GALNTL5: variants seen among roughly 807,000 people sequenced by gnomAD.
The protein encoded by GALNTL5 is inactive polypeptide N-acetylgalactosaminyltransferase-like protein 5.
GALNTL5 carries 44 observed loss-of-function variants against 51.0 expected under a neutral mutation model. The observed-to-expected ratio is 0.86, with a 90% confidence interval of 0.68 to 1.11. The LOEUF (loss-of-function observed/expected upper bound fraction) is 1.11, where lower values mean the gene tolerates loss of function less well. Among genes scored for constraint, GALNTL5 ranks in the 50% least tolerant of loss-of-function variants. GALNTL5 has a pLI of 0.00. For missense variants in GALNTL5, 528 were observed against 531.8 expected (o/e 0.99, Z 0.07); for synonymous variants, 192 against 182.8 (o/e 1.05, Z -0.41).
chr7:152,006,560 C>T (rs2081645885), intron 6 of GALNTL5, among the ~76,000 whole-genome samples: 1 of 152,088 alleles, frequency 6.6e-6, no homozygotes, highest in African/African-American at 2.4e-5. Flanking sequence ...CAAAATATGC[C>T]AGGAATTCAA....
chr7:152,009,941 A>G (rs2081707206), intron 7 of GALNTL5, among the ~76,000 whole-genome samples: 1 of 152,216 alleles, frequency 6.6e-6, no homozygotes, highest in African/African-American at 2.4e-5. Flanking sequence ...TTTAAGCTCA[A>G]TCTAGCCATC....
In GALNTL5 at chr7:151,965,181, C is replaced by T. The variant is rs1419777880; in HGVS notation, c.-39-2027C>T. On this transcript the variant is annotated intron_variant, in intron 1 of 8. Transcript: ENST00000392800. ...GTGTCCACTGACTCACCAGGGGCAT[C>T]CAAGCCCCAAGCTGCTCCAGGGTTA... 2.6e-5 allele frequency among the ~76,000 whole-genome samples: 4 copies of T among 152,210 alleles called. No homozygotes were observed. The East Asian group carries it at 7.7e-4, about 29-fold the overall frequency.
intron 1 of GALNTL5, among the ~76,000 whole-genome samples, chr7:151,958,993 C>T (rs1240182308): frequency 6.6e-6 from 1 of 152,148 alleles, no homozygotes; most frequent in African/African-American, 2.4e-5. Context: ...ACCAGTCCTT[C>T]CAGGTGGGCC....
intron 5 of GALNTL5, among the ~76,000 whole-genome samples, chr7:152,002,439 A>G (rs894789744): frequency 6.6e-6 from 1 of 152,180 alleles, no homozygotes; most frequent in Non-Finnish European, 1.5e-5. Context: ...TAAAATGGAA[A>G]TCCAGTTCAG....
chr7:151,981,881 C>T (rs1258066935), intron 3 of GALNTL5, among the ~76,000 whole-genome samples: 1 of 151,174 alleles, frequency 6.6e-6, no homozygotes, highest in Non-Finnish European at 1.5e-5. Context: ...CTCCTGACCT[C>T]ATGTGATTCA....
chr7:152,017,422 TG>T (rs2081833605), intron 8 of GALNTL5, among the ~76,000 whole-genome samples: 1 of 152,220 alleles, frequency 6.6e-6, no homozygotes, highest in Non-Finnish European at 1.5e-5. Context: ...CTTCATCACG[TG>T]GTACATGACT....
chr7:151,974,473 G>A (rs2081183972), intron 3 of GALNTL5, among the ~76,000 whole-genome samples: 1 of 152,172 alleles, frequency 6.6e-6, no homozygotes, highest in Non-Finnish European at 1.5e-5. Flanking sequence ...CATGAAACAG[G>A]AGAAAGCAGG....
At chr7:152,018,091 G>C (rs979493122) in intron 8 of GALNTL5, among the ~76,000 whole-genome samples, 2 of 152,156 alleles carry the variant, frequency 1.3e-5, no homozygotes. Context: ...TGATCTGCCT[G>C]CCTTGGCCTC....
chr7:151,973,728 G>T (rs1244219315), intron 3 of GALNTL5, among the ~76,000 whole-genome samples: 7 of 152,236 alleles, frequency 4.6e-5, no homozygotes, highest in Admixed American at 4.6e-4. Context: ...TACTTCGGGT[G>T]ACTGTTGGGA....
Position 152,013,096 on chromosome 7 carries a change from C to T in GALNTL5, c.1027-1548C>T, listed in dbSNP as rs904359798. 5.9e-5 allele frequency among the ~76,000 whole-genome samples: 9 copies of T among 152,010 alleles called. No homozygotes were observed. In the South Asian group the frequency reaches 6.2e-4, roughly 11 times the overall value. The stretch of plus-strand genomic sequence containing the variant: ...TATCCTAAGCAAATTAACACAGGAA[C>T]GGAAGACTAAATACTGCATGTTCTT... On this transcript the variant is annotated intron_variant, in intron 7 of 8. Coordinates refer to ENST00000392800, the MANE Select transcript of GALNTL5 (RefSeq NM_145292.4).
chr7:151,968,041 A>C (rs1276233644), intron 2 of GALNTL5, among the ~76,000 whole-genome samples: 2 of 152,198 alleles, frequency 1.3e-5, no homozygotes, highest in African/African-American at 4.8e-5. Flanking sequence ...CACACATGTA[A>C]TCTCGACCCT....
At position 152,007,792 on chromosome 7, in the gene GALNTL5, G is replaced by A. The variant is rs1375800541; in HGVS notation, c.909-35G>A. 2.6e-6 allele frequency: 3 copies of A among 1,140,988 alleles called. No homozygotes were observed. In the Admixed American group the frequency reaches 5.2e-5, roughly 20 times the overall value. The allele number at this position is 1,140,988 out of a possible 1,614,324, so 70.7% of individuals were successfully genotyped here. On this transcript the variant is annotated intron_variant, in intron 6 of 8. Coordinates refer to ENST00000392800, the MANE Select transcript of GALNTL5 (RefSeq NM_145292.4). ...AGGAAACTACAGAATGACTTTCTCTGTGAAATTAATTTCATATTTATGTCC... is the reference window on the plus strand; with the variant it reads ...AGGAAACTACAGAATGACTTTCTCTATGAAATTAATTTCATATTTATGTCC...
intron 1 of GALNTL5, among the ~76,000 whole-genome samples, chr7:151,966,076 GCTTTT>G (rs2081055352): frequency 6.6e-6 from 1 of 151,854 alleles, no homozygotes. Context: ...TAATTGCACT[GCTTTT>G]CATGTTTTCC....
At chr7:151,999,379 T>C (rs114316500) in intron 5 of GALNTL5, among the ~76,000 whole-genome samples, 1,947 of 152,324 alleles carry the variant, frequency 0.013, 34 homozygotes, top group African/African-American at 0.045. Context: ...TTCCTAGGAA[T>C]AGAATTGCTG....
chr7:151,999,605 G>A (rs1271448165), intron 5 of GALNTL5, among the ~76,000 whole-genome samples: 1 of 152,172 alleles, frequency 6.6e-6, no homozygotes, highest in Non-Finnish European at 1.5e-5. Context: ...CTAATGACAT[G>A]ATGTTTCGCA....
At chr7:151,973,357 T>C (rs7809418) in intron 3 of GALNTL5, among the ~76,000 whole-genome samples, 65,745 of 151,322 alleles carry the variant, frequency 0.43, 14,355 homozygotes, top group Middle Eastern at 0.51. Context: ...CCCAGCTACT[T>C]GGGAGGCTGA....
At chr7:151,980,737 ATTTTTTTTTTTTT>A (rs61288964) in intron 3 of GALNTL5, among the ~76,000 whole-genome samples, 8 of 98,958 alleles carry the variant, frequency 8.1e-5, no homozygotes, top group African/African-American at 2.4e-4. Context: ...GCTAACAATG[ATTTTTTTTTTTTT>A]TTTTTTTTTT....
Position 152,017,880 on chromosome 7 carries a change from C to G in GALNTL5, c.1177-1766C>G, listed in dbSNP as rs190207718. Among the ~76,000 whole-genome samples the G allele has an allele frequency of 9.4e-4, 142 of 151,762 alleles. 3 individuals are homozygous for G. The highest frequency in any genetic ancestry group is 8.4e-3 in the Admixed American group (128 of 15,206). On this transcript the variant is annotated intron_variant, in intron 8 of 8. Coordinates refer to ENST00000392800, the MANE Select transcript of GALNTL5 (RefSeq NM_145292.4). ...CTTTCTTTTGAAACAGAGTCTTGCT[C>G]TGTCACCCAGGCTGGAGTGCGGTGA...
Position 152,002,734 on chromosome 7 carries a change from G to A in GALNTL5, c.679G>A (p.Asp227Asn). The change falls in exon 6 of 9, where the codon GAC (aspartate) becomes AAC (asparagine). Residue 227 changes from aspartate to asparagine, a missense_variant. Physicochemically the swap from Asp to Asn is conservative, Grantham distance 23. Coordinates refer to ENST00000392800, the MANE Select transcript of GALNTL5 (RefSeq NM_145292.4). ...HASGDVLVFL[D>N]SHCEVNRVWL... is the part of the protein sequence containing the mutation. Reference sequence around the variant, plus strand: ...CCCAGGGGATGTTCTGGTGTTCCTGGACAGCCACTGTGAGGTGAACAGAGT... The same window carrying A: ...CCCAGGGGATGTTCTGGTGTTCCTGAACAGCCACTGTGAGGTGAACAGAGT... 6.2e-7 allele frequency: 1 copy of A among 1,614,102 alleles called. No individual in the cohort carries two copies. Among genetic ancestry groups the A allele is most frequent in the Non-Finnish European group, 8.5e-7 (1 of 1,180,004 alleles).
Sources: gnomAD v4.1 joint callset for allele counts (sites outside exome capture counted in the v4.1 genomes callset) on GRCh38, gnomAD v4.1.1 for gene constraint, MANE v1.5 for transcripts, NCBI Gene and HGNC (gene_info 2026-07-23, HGNC 2026-07-21) for gene names.